The following RIMBP3B variants were observed in gnomAD, a reference collection of about 807,000 sequenced individuals.
RIMBP3B encodes RIMS binding protein 3B, also known as RIMS-binding protein 3B.
At chr22:21,388,900 GC>G in exon 1 of RIMBP3B, 1 of 405,154 alleles carries the variant, frequency 2.5e-6, no homozygotes, top group Admixed American at 5.6e-5. Flanking sequence ...TGCTCCAAGT[GC>G]CACTGTGTTA....
At chr22:21,387,220 TC>T in the RIMBP3B span, 1 of 512,680 alleles carries the variant, frequency 2.0e-6, no homozygotes, top group African/African-American at 1.3e-4. Flanking sequence ...TCCAATGGAG[TC>T]CAGGTCACCG....
chr22:21,388,618 TG>T, the RIMBP3B span: 6 of 1,375,274 alleles, frequency 4.4e-6, no homozygotes, highest in Non-Finnish European at 5.9e-6. Flanking sequence ...GATGGGCAAA[TG>T]GGGGGCCAGG....
the RIMBP3B span, chr22:21,388,537 AG>A: frequency 6.2e-7 from 1 of 1,605,126 alleles, no homozygotes; most frequent in Non-Finnish European, 8.5e-7. Flanking sequence ...CTGGTGCTCC[AG>A]GGGAACTCCA....
chr22:21,388,854 A>ACC lies in RIMBP3B; in HGVS notation c.*77_*78insCC, dbSNP rs1922285364. 1.3e-5 allele frequency: 6 copies of ACC among 454,782 alleles called. No individual in the cohort carries two copies. In the East Asian group the frequency reaches 1.9e-4, roughly 15 times the overall value. 28.2% of individuals were successfully genotyped at this position (454,782 alleles called of 1,614,324 possible). Reference sequence around the variant, plus strand: ...AGGAGAAGCAAGCGTTCAGACCCTCACACCAGCACCCCTCCTCACCACCAT... The same window carrying ACC: ...AGGAGAAGCAAGCGTTCAGACCCTCACCCACCAGCACCCCTCCTCACCACCAT... On this transcript the variant is annotated 3_prime_UTR_variant, in exon 1 of 1. Coordinates refer to ENST00000620804, the Ensembl canonical transcript of RIMBP3B.
chr22:21,388,565 GAC>G, the RIMBP3B span: 1 of 1,574,596 alleles, frequency 6.4e-7, no homozygotes, highest in Non-Finnish European at 8.7e-7. Flanking sequence ...TCCCACTGTG[GAC>G]TCCAAAGATC....
At chr22:21,388,390 CCGGG>C in the RIMBP3B span, 1 of 1,392,700 alleles carries the variant, frequency 7.2e-7, no homozygotes, top group Non-Finnish European at 9.9e-7. Context: ...GGCAATATCC[CCGGG>C]CGCCTAGTGG....
chr22:21,387,286 C>CT, the RIMBP3B span: 3 of 16,228 alleles, frequency 1.8e-4, no homozygotes, highest in Non-Finnish European at 4.0e-3. Context: ...GATGCCACTG[C>CT]TGGGAGCACC....
Sources: allele counts gnomAD v4.1 joint callset, GRCh38; gene constraint gnomAD v4.1.1; transcripts MANE v1.5; gene names NCBI Gene and HGNC (gene_info 2026-07-23, HGNC 2026-07-21).